NXPE2: variants seen among roughly 807,000 people sequenced by gnomAD.
NXPE2 encodes the protein NXPE family member 2.
NXPE2 carries 34 observed loss-of-function variants against 34.4 expected under a neutral mutation model. The ratio of observed to expected loss-of-function variants is 0.99; its 90% confidence interval spans 0.75 to 1.31. NXPE2 has a LOEUF of 1.31. Among genes scored for constraint, NXPE2 ranks in the 40% most tolerant of loss-of-function variants. NXPE2 has a pLI of 0.00. For missense variants in NXPE2, 649 were observed against 672.5 expected, an observed-to-expected ratio of 0.97 and a Z score of 0.39; for synonymous variants, 235 against 231.3, an observed-to-expected ratio of 1.02 and a Z score of -0.15.
At chr11:114,749,764 G>A in the NXPE2 span, among the ~76,000 whole-genome samples, 8 of 151,946 alleles carry the variant, frequency 5.3e-5, no homozygotes, top group African/African-American at 9.7e-5. Flanking sequence ...CACACTGGCC[G>A]TCACCTCTGT....
the NXPE2 span, among the ~76,000 whole-genome samples, chr11:114,469,102 G>C: frequency 7.0e-6 from 1 of 143,718 alleles, no homozygotes; most frequent in Admixed American, 7.0e-5. Flanking sequence ...TTTAAATACA[G>C]TGCTAGCTTT....
chr11:114,804,066 A>G, the NXPE2 span, among the ~76,000 whole-genome samples: 1 of 152,238 alleles, frequency 6.6e-6, no homozygotes, highest in Non-Finnish European at 1.5e-5. Context: ...ACAAAAGGGC[A>G]GTTTCAAAGG....
the NXPE2 span, among the ~76,000 whole-genome samples, chr11:114,729,490 C>G: frequency 6.6e-6 from 1 of 152,088 alleles, no homozygotes; most frequent in Non-Finnish European, 1.5e-5. Context: ...CTACAAACTG[C>G]TTTCCACAGT....
chr11:114,775,871 CAAAAAAACGAAAA>C, the NXPE2 span, among the ~76,000 whole-genome samples: 1 of 78,454 alleles, frequency 1.3e-5, no homozygotes, highest in Non-Finnish European at 3.0e-5. Context: ...AAAGAAAAAA[CAAAAAAACGAAAA>C]AAAAAAACAA....
At chr11:114,755,566 AG>A in the NXPE2 span, among the ~76,000 whole-genome samples, 1 of 152,326 alleles carries the variant, frequency 6.6e-6, no homozygotes, top group African/African-American at 2.4e-5. Flanking sequence ...ACCATTCTGT[AG>A]TACCAGTTTT....
chr11:114,601,010 C>A, the NXPE2 span, among the ~76,000 whole-genome samples: 2 of 151,932 alleles, frequency 1.3e-5, no homozygotes, highest in African/African-American at 4.8e-5. Context: ...CAGGTTGATG[C>A]TGCCACTTGA....
the NXPE2 span, among the ~76,000 whole-genome samples, chr11:114,626,694 G>A: frequency 3.3e-5 from 5 of 152,218 alleles, no homozygotes; most frequent in Non-Finnish European, 7.3e-5. Context: ...TGAGCTGAGA[G>A]AAGGCTTCAG....
At chr11:114,601,322 T>G in the NXPE2 span, among the ~76,000 whole-genome samples, 1 of 149,316 alleles carries the variant, frequency 6.7e-6, no homozygotes, top group South Asian at 2.1e-4. Flanking sequence ...TAAATCCCAC[T>G]TATAAGTGAG....
the NXPE2 span, among the ~76,000 whole-genome samples, chr11:114,655,323 GTTTAA>G: frequency 6.6e-6 from 1 of 152,094 alleles, no homozygotes; most frequent in South Asian, 2.1e-4. Flanking sequence ...AAACTCTTTA[GTTTAA>G]TTAGATCCCA....
the NXPE2 span, among the ~76,000 whole-genome samples, chr11:114,623,894 G>T: frequency 6.6e-6 from 1 of 152,012 alleles, no homozygotes; most frequent in Admixed American, 6.6e-5. Context: ...AGTAAGTATT[G>T]CCCCTAGGGT....
At chr11:114,777,399 A>G in the NXPE2 span, among the ~76,000 whole-genome samples, 1 of 152,202 alleles carries the variant, frequency 6.6e-6, no homozygotes, top group Non-Finnish European at 1.5e-5. Context: ...AATGGGGTGA[A>G]CTAGAAGCCT....
chr11:114,762,708 C>A, the NXPE2 span, among the ~76,000 whole-genome samples: 1 of 152,190 alleles, frequency 6.6e-6, no homozygotes, highest in Non-Finnish European at 1.5e-5. Flanking sequence ...ACCTTTGAAA[C>A]AGAAGCCAGT....
At chr11:114,492,721 A>G in the NXPE2 span, among the ~76,000 whole-genome samples, 1 of 151,940 alleles carries the variant, frequency 6.6e-6, no homozygotes, top group South Asian at 2.1e-4. Flanking sequence ...TTGTATTTTT[A>G]GTAGAGACGG....
intron 3 of NXPE2, among the ~76,000 whole-genome samples, chr11:114,701,702 T>A (rs573270930): frequency 6.6e-6 from 1 of 152,304 alleles, no homozygotes; most frequent in African/African-American, 2.4e-5. Flanking sequence ...ACATCTTTCC[T>A]TCTCACGAAT....
At chr11:114,489,096 C>T in the NXPE2 span, among the ~76,000 whole-genome samples, 1 of 152,268 alleles carries the variant, frequency 6.6e-6, no homozygotes, top group Non-Finnish European at 1.5e-5. Flanking sequence ...TGCAAATAAA[C>T]TAGAAAATCT....
the NXPE2 span, among the ~76,000 whole-genome samples, chr11:114,794,974 A>G: frequency 2.0e-5 from 3 of 152,212 alleles, no homozygotes; most frequent in East Asian, 1.9e-4. Context: ...AGAAAGCTCA[A>G]TGGGAACCTG....
At chr11:114,690,592 T>C (rs1478485244) in intron 2 of NXPE2, among the ~76,000 whole-genome samples, 1 of 152,124 alleles carries the variant, frequency 6.6e-6, no homozygotes, top group Non-Finnish European at 1.5e-5. Context: ...GGTTGCCTTG[T>C]ATAGTATCTC....
At chr11:114,552,861 G>T in the NXPE2 span, 1 of 976,724 alleles carries the variant, frequency 1.0e-6, no homozygotes, top group Non-Finnish European at 1.2e-6. Context: ...CCCAATAGGT[G>T]TCAGGTAGCA....
At chr11:114,805,632 G>A in the NXPE2 span, among the ~76,000 whole-genome samples, 2 of 152,216 alleles carry the variant, frequency 1.3e-5, no homozygotes, top group African/African-American at 4.8e-5. Context: ...GTGGCAGCGA[G>A]GTTGGGGGAG....
Sources: allele counts gnomAD v4.1 joint callset (sites outside exome capture counted in the v4.1 genomes callset), GRCh38; gene constraint gnomAD v4.1.1; transcripts MANE v1.5; gene names NCBI Gene and HGNC (gene_info 2026-07-23, HGNC 2026-07-21).